ZFHX3: variants seen among roughly 807,000 people sequenced by gnomAD.
ZFHX3 encodes the protein zinc finger homeobox protein 3.
A neutral mutation model predicts 279.1 loss-of-function variants in ZFHX3; 42 were observed. That is an observed-to-expected ratio of 0.15 (90% CI 0.12 to 0.19). ZFHX3 has a LOEUF of 0.19. ZFHX3 is among the 10% of genes least tolerant of loss of function. ZFHX3 has a pLI of 1.00. For synonymous variants in ZFHX3, 2,293 were observed against 1,957.8 expected (o/e 1.17, Z -4.52); for missense variants, 4,981 against 4,754.0 (o/e 1.05, Z -1.40).
intron 5 of ZFHX3, among the ~76,000 whole-genome samples, chr16:73,244,440 C>G (rs576221198): frequency 1.6e-4 from 24 of 152,302 alleles, no homozygotes; most frequent in African/African-American, 5.5e-4. Flanking sequence ...TCACACAAAG[C>G]CTCTTCGAGG....
chr16:72,805,356 C>G (rs557207082), intron 7 of ZFHX3, among the ~76,000 whole-genome samples: 79 of 152,270 alleles, frequency 5.2e-4, no homozygotes, highest in Non-Finnish European at 9.6e-4. Flanking sequence ...CTTGGCATTG[C>G]TCACTTTAGG....
At chr16:73,611,154 G>T (rs956401124) in intron 2 of ZFHX3, among the ~76,000 whole-genome samples, 6 of 151,816 alleles carry the variant, frequency 4.0e-5, no homozygotes, top group African/African-American at 9.7e-5. Flanking sequence ...AGCAGTTTTG[G>T]TTTTTTTTGA....
intron 4 of ZFHX3, among the ~76,000 whole-genome samples, chr16:73,311,533 T>A (rs1390122121): frequency 7.0e-6 from 1 of 143,816 alleles, no homozygotes; most frequent in African/African-American, 2.6e-5. Context: ...GAGGTTGCAG[T>A]GAGCTGAGAT....
intron 7 of ZFHX3, among the ~76,000 whole-genome samples, chr16:73,103,559 C>T (rs1597157454): frequency 6.6e-6 from 1 of 152,308 alleles, no homozygotes; most frequent in Admixed American, 6.5e-5. Flanking sequence ...CATTGCAGTA[C>T]AGTTAATTTG....
intron 3 of ZFHX3, among the ~76,000 whole-genome samples, chr16:73,392,506 G>A (rs1301719752): frequency 6.7e-6 from 1 of 149,784 alleles, no homozygotes; most frequent in Admixed American, 6.6e-5. Context: ...AAAGTTCTAA[G>A]GAATCAGTTT....
At chr16:72,880,722 G>C (rs2144022264) in intron 4 of ZFHX3, among the ~76,000 whole-genome samples, 1 of 152,240 alleles carries the variant, frequency 6.6e-6, no homozygotes, top group East Asian at 1.9e-4. Flanking sequence ...ATTCTAATTA[G>C]AGCAGAGGTC....
At chr16:73,069,327 G>C (rs1465853026) in intron 8 of ZFHX3, among the ~76,000 whole-genome samples, 3 of 152,158 alleles carry the variant, frequency 2.0e-5, no homozygotes, top group African/African-American at 7.2e-5. Context: ...CCCCAATAAG[G>C]GATGTTAAGC....
intron 2 of ZFHX3, among the ~76,000 whole-genome samples, chr16:73,581,773 C>T (rs554493848): frequency 3.4e-5 from 5 of 148,506 alleles, no homozygotes; most frequent in African/African-American, 7.5e-5. Context: ...CGGGTTCAAC[C>T]GATTTTCCTG....
At chr16:72,858,127 A>G (rs2037798230) in intron 4 of ZFHX3, among the ~76,000 whole-genome samples, 1 of 152,196 alleles carries the variant, frequency 6.6e-6, no homozygotes, top group Admixed American at 6.5e-5. Context: ...CCCCCATCCC[A>G]TACCCTAAAA....
chr16:73,770,356 A>G (rs1007342188), intron 1 of ZFHX3, among the ~76,000 whole-genome samples: 3 of 152,276 alleles, frequency 2.0e-5, no homozygotes, highest in Non-Finnish European at 4.4e-5. Flanking sequence ...CAGAGCCTCC[A>G]GAAAGAAACA....
intron 2 of ZFHX3, among the ~76,000 whole-genome samples, chr16:73,466,819 T>C (rs1414865524): frequency 1.3e-5 from 2 of 152,178 alleles, no homozygotes; most frequent in Admixed American, 1.3e-4. Context: ...AGATCTCATA[T>C]TCTGAAATTT....
intron 2 of ZFHX3, among the ~76,000 whole-genome samples, chr16:73,586,417 C>A (rs1053521744): frequency 2.8e-5 from 4 of 142,676 alleles, no homozygotes; most frequent in African/African-American, 1.1e-4. Context: ...AACAAACAAA[C>A]AAACAAACAA....
intron 2 of ZFHX3, among the ~76,000 whole-genome samples, chr16:73,511,937 C>T (rs1232742531): frequency 6.6e-6 from 1 of 152,060 alleles, no homozygotes; most frequent in Non-Finnish European, 1.5e-5. Context: ...CTGCAAATAC[C>T]CAACATGAGC....
chr16:72,809,530 T>C (rs1431994767), intron 7 of ZFHX3: 1 of 150,752 alleles, frequency 6.6e-6, no homozygotes, highest in Non-Finnish European at 1.5e-5. Context: ...AGAAAGTTAA[T>C]TTAACTTCAA....
chr16:72,827,128 T>C (rs2036952373), intron 5 of ZFHX3, among the ~76,000 whole-genome samples: 1 of 152,114 alleles, frequency 6.6e-6, no homozygotes, highest in African/African-American at 2.4e-5. Flanking sequence ...GCACGAAACA[T>C]ACGCACCAAA....
chr16:73,610,196 C>T (rs577612769), intron 2 of ZFHX3: 19 of 140,950 alleles, frequency 1.3e-4, no homozygotes, highest in African/African-American at 4.3e-4. Flanking sequence ...GAAGCGTTTA[C>T]TTTAGAGGAA....
At chr16:73,692,850 G>A (rs1357907198) in intron 1 of ZFHX3, among the ~76,000 whole-genome samples, 1 of 152,114 alleles carries the variant, frequency 6.6e-6, no homozygotes, top group African/African-American at 2.4e-5. Flanking sequence ...ATCCAATCAA[G>A]GCAGAAAGAG....
chr16:73,647,427 C>G (rs921862252), intron 2 of ZFHX3, among the ~76,000 whole-genome samples: 2 of 152,088 alleles, frequency 1.3e-5, no homozygotes, highest in African/African-American at 4.8e-5. Flanking sequence ...ATAGTGAGTT[C>G]TCGTCAGATC....
At chr16:73,710,076 G>A (rs879841907) in intron 1 of ZFHX3, among the ~76,000 whole-genome samples, 7 of 152,092 alleles carry the variant, frequency 4.6e-5, no homozygotes, top group African/African-American at 1.7e-4. Flanking sequence ...CCAGCTACTC[G>A]GGAGGCTGAG....
Sources: allele counts gnomAD v4.1 joint callset (sites outside exome capture counted in the v4.1 genomes callset), GRCh38; gene constraint gnomAD v4.1.1; transcripts MANE v1.5; gene names NCBI Gene and HGNC (gene_info 2026-07-23, HGNC 2026-07-21).